PRKCQ: variants seen among roughly 807,000 people sequenced by gnomAD.
PRKCQ encodes the protein protein kinase C theta type.
In PRKCQ, 41 loss-of-function variants were observed where a neutral mutation model predicts 91.2. That is an observed-to-expected ratio of 0.45 (90% CI 0.35 to 0.58). The LOEUF is 0.58. Among genes scored for constraint, PRKCQ ranks in the 20% least tolerant of loss-of-function variants. The pLI is 0.00. For synonymous variants in PRKCQ, 307 were observed against 316.9 expected, an observed-to-expected ratio of 0.97 and a Z score of 0.33; for missense variants, 673 against 896.5, an observed-to-expected ratio of 0.75 and a Z score of 3.18.
At chr10:6,537,550 G>A (rs747232863) in intron 1 of PRKCQ, among the ~76,000 whole-genome samples, 1 of 152,134 alleles carries the variant, frequency 6.6e-6, no homozygotes. Context: ...TTCCTTTCTC[G>A]GGATCTATTC....
At chr10:6,420,721 T>G in the PRKCQ span, among the ~76,000 whole-genome samples, 2 of 152,230 alleles carry the variant, frequency 1.3e-5, no homozygotes, top group Non-Finnish European at 2.9e-5. Flanking sequence ...TTCCAGTGTC[T>G]TGTAACTTTG....
chr10:6,439,305 T>C (rs1833853034), intron 16 of PRKCQ, among the ~76,000 whole-genome samples: 1 of 152,208 alleles, frequency 6.6e-6, no homozygotes, highest in African/African-American at 2.4e-5. Flanking sequence ...AGATTGCTGC[T>C]AAGATGGTAA....
At chr10:6,410,907 G>T in the PRKCQ span, among the ~76,000 whole-genome samples, 9 of 148,732 alleles carry the variant, frequency 6.1e-5, no homozygotes, top group Admixed American at 4.7e-4. Flanking sequence ...AACCCGGGAG[G>T]TGAAGGTTTT....
intron 15 of PRKCQ, among the ~76,000 whole-genome samples, chr10:6,449,814 T>C (rs1445253189): frequency 1.3e-5 from 2 of 152,198 alleles, no homozygotes; most frequent in African/African-American, 4.8e-5. Context: ...CAACCCACAA[T>C]TTCATATCCA....
At chr10:6,473,639 T>C (rs190090514) in intron 12 of PRKCQ, among the ~76,000 whole-genome samples, 122 of 152,362 alleles carry the variant, frequency 8.0e-4, no homozygotes, top group Non-Finnish European at 1.4e-3. Flanking sequence ...TGGAAGGATG[T>C]GGTTTCCGTG....
intron 8 of PRKCQ, among the ~76,000 whole-genome samples, chr10:6,489,887 G>C (rs757561548): frequency 5.3e-5 from 8 of 152,140 alleles, no homozygotes; most frequent in Non-Finnish European, 7.4e-5. Flanking sequence ...GAAGTTCTAA[G>C]CTGTGCCGCG....
chr10:6,397,389 C>T, the PRKCQ span, among the ~76,000 whole-genome samples: 2 of 146,662 alleles, frequency 1.4e-5, no homozygotes, highest in Admixed American at 7.1e-5. Context: ...CCACCATGTC[C>T]GACCCCTTTG....
chr10:6,429,000 A>G (rs904445428), intron 17 of PRKCQ, among the ~76,000 whole-genome samples: 7 of 152,328 alleles, frequency 4.6e-5, no homozygotes, highest in South Asian at 2.1e-4. Flanking sequence ...GCAAACATCT[A>G]TTTCATACAT....
intron 15 of PRKCQ, among the ~76,000 whole-genome samples, chr10:6,454,879 AGAAG>A (rs1237228493): frequency 6.6e-6 from 1 of 152,158 alleles, no homozygotes; most frequent in African/African-American, 2.4e-5. Context: ...GTAAAAGAAA[AGAAG>A]GGAGTGAAGC....
the PRKCQ span, among the ~76,000 whole-genome samples, chr10:6,413,421 T>C: frequency 6.6e-6 from 1 of 152,106 alleles, no homozygotes; most frequent in Non-Finnish European, 1.5e-5. Flanking sequence ...TTCTTCAACA[T>C]GAATATTTTT....
At chr10:6,477,725 G>T (rs1304700495) in intron 12 of PRKCQ, among the ~76,000 whole-genome samples, 2 of 152,114 alleles carry the variant, frequency 1.3e-5, no homozygotes, top group Admixed American at 1.3e-4. Context: ...AAAATTAGCT[G>T]AGTGTGGTGG....
chr10:6,511,181 C>T lies in PRKCQ; in HGVS notation c.132G>A (p.Met44Ile), dbSNP rs749207936. The change falls in exon 3 of 18, where the codon ATG becomes ATA. Residue 44 changes from methionine (M) to isoleucine (I), a missense_variant. Coordinates refer to ENST00000263125, the MANE Select transcript of PRKCQ (RefSeq NM_006257.5). ...ACATGGTAGGCTTTTTCTGGATATACATCTGCCCGTTCTCTAGGAACAGAA... is the reference window on the plus strand; with the variant it reads ...ACATGGTAGGCTTTTTCTGGATATATATCTGCCCGTTCTCTAGGAACAGAA... ...KEYVESENGQ[M>I]YIQKKPTMYP... is the part of the protein sequence containing the mutation. 7 of 1,614,014 alleles carry T rather than the reference C, an allele frequency of 4.3e-6. No homozygotes were observed. The highest frequency in any genetic ancestry group is 4.5e-5 in the East Asian group (2 of 44,876).
chr10:6,440,627 T>G (rs761442859), intron 16 of PRKCQ, among the ~76,000 whole-genome samples: 1 of 152,112 alleles, frequency 6.6e-6, no homozygotes, highest in Non-Finnish European at 1.5e-5. Context: ...CCTCCAGTAG[T>G]GAGCAGCTGC....
At chr10:6,564,941 C>T (rs148051273) in intron 1 of PRKCQ, among the ~76,000 whole-genome samples, 175 of 152,352 alleles carry the variant, frequency 1.1e-3, no homozygotes, top group African/African-American at 4.1e-3. Flanking sequence ...CTTTGTCACA[C>T]TTAACTGATT....
In PRKCQ at chr10:6,467,391, G is replaced by GAGAGAGAGAGAGAGAC. The variant is rs1346953229; in HGVS notation, c.1354-2988_1354-2987insGTCTCTCTCTCTCTCT. Among the ~76,000 whole-genome samples the GAGAGAGAGAGAGAGAC allele has an allele frequency of 2.9e-3, 95 of 32,374 alleles. 4 individuals are homozygous for GAGAGAGAGAGAGAGAC. Among genetic ancestry groups the GAGAGAGAGAGAGAGAC allele is most frequent in the African/African-American group, 8.7e-3 (88 of 10,128 alleles). The allele number at this position is 32,374 out of a possible 152,430, so 21.2% of individuals were successfully genotyped here. A position where few individuals can be genotyped will look rare whatever the true frequency, so the allele number is the denominator to read the frequency against. On this transcript the variant is annotated intron_variant, in intron 12 of 17. Transcript: ENST00000263125. ...AGAGAGAGACAGAGAGAGACAGACA[G>GAGAGAGAGAGAGAGAC]AGAGAGAGAGAGAGAGAGAGAGAGA... is the stretch of plus-strand genomic sequence containing the variant.
chr10:6,490,269 G>C (rs2130799151), intron 8 of PRKCQ, among the ~76,000 whole-genome samples: 1 of 152,160 alleles, frequency 6.6e-6, no homozygotes, highest in African/African-American at 2.4e-5. Context: ...ATGTGAACAG[G>C]ATTGGGATGA....
intron 3 of PRKCQ, among the ~76,000 whole-genome samples, chr10:6,508,643 G>A (rs1196626090): frequency 6.6e-6 from 1 of 152,218 alleles, no homozygotes; most frequent in Non-Finnish European, 1.5e-5. Flanking sequence ...TTGTTCTCTG[G>A]CTTGTGAATA....
intron 1 of PRKCQ, among the ~76,000 whole-genome samples, chr10:6,517,820 TG>T (rs34176275): frequency 0.39 from 59,463 of 151,816 alleles, 14,076 homozygotes; most frequent in Admixed American, 0.56. Flanking sequence ...TTACATAATA[TG>T]GGTATACAAA....
At chr10:6,498,609 C>T (rs375645484) in intron 4 of PRKCQ, 51 bp from the exon 5 acceptor site, 179 of 1,572,620 alleles carry the variant, frequency 1.1e-4, no homozygotes, top group Non-Finnish European at 1.4e-4. Context: ...AGGACGACTC[C>T]TATTCTAAGC....
Sources: allele counts gnomAD v4.1 joint callset (sites outside exome capture counted in the v4.1 genomes callset), GRCh38; gene constraint gnomAD v4.1.1; transcripts MANE v1.5; gene names NCBI Gene and HGNC (gene_info 2026-07-23, HGNC 2026-07-21).